Variants in ROBO1 observed in about 807,000 individuals in gnomAD.
The protein encoded by ROBO1 is roundabout guidance receptor 1.
A neutral mutation model predicts 195.9 loss-of-function variants in ROBO1; 149 were observed. The observed-to-expected ratio is 0.76, with a 90% confidence interval of 0.67 to 0.87. The LOEUF is 0.87. Ranked by LOEUF, ROBO1 falls within the 40% of genes least tolerant of loss-of-function variation. The pLI is 0.00. For synonymous variants in ROBO1, 816 were observed against 733.2 expected, an observed-to-expected ratio of 1.11 and a Z score of -1.82; for missense variants, 1,933 against 2,068.3, an observed-to-expected ratio of 0.93 and a Z score of 1.27.
chr3:79,164,871 C>T (rs1360584505), intron 2 of ROBO1, among the ~76,000 whole-genome samples: 1 of 152,184 alleles, frequency 6.6e-6, no homozygotes, highest in Admixed American at 6.5e-5. Flanking sequence ...CAAATAACTG[C>T]ATGGCTTATT....
At chr3:79,534,147 GCAAAAAAA>G (rs1941763828) in intron 2 of ROBO1, among the ~76,000 whole-genome samples, 1 of 25,864 alleles carries the variant, frequency 3.9e-5, no homozygotes, top group African/African-American at 2.4e-4. Context: ...GCTGGGGAAG[GCAAAAAAA>G]AAAAAAAAAA....
At chr3:78,933,673 AT>A (rs2039653151) in intron 4 of ROBO1, among the ~76,000 whole-genome samples, 1 of 152,098 alleles carries the variant, frequency 6.6e-6, no homozygotes, top group Admixed American at 6.5e-5. Context: ...AGAAGAACAT[AT>A]TCTGAGTGAT....
At chr3:78,960,790 AC>A (rs1441079406) in intron 3 of ROBO1, among the ~76,000 whole-genome samples, 2,841 of 102,180 alleles carry the variant, frequency 0.028, 54 homozygotes, top group African/African-American at 0.054. Flanking sequence ...ACACACACAC[AC>A]ACACACACAC....
intron 3 of ROBO1, among the ~76,000 whole-genome samples, chr3:79,114,958 A>G (rs1307487318): frequency 1.3e-5 from 2 of 152,142 alleles, no homozygotes; most frequent in Non-Finnish European, 2.9e-5. Context: ...GCAAGATCTA[A>G]TTGTAGAGTC....
At chr3:79,629,584 T>A (rs1056042990) in intron 1 of ROBO1, among the ~76,000 whole-genome samples, 6 of 151,722 alleles carry the variant, frequency 4.0e-5, no homozygotes, top group African/African-American at 9.7e-5. Context: ...CCCAAGGTAC[T>A]AGATAAACAA....
At chr3:78,659,574 G>A (rs550229823) in intron 17 of ROBO1, 112 bp downstream of exon 17, 2 of 735,690 alleles carry the variant, frequency 2.7e-6, no homozygotes, top group African/African-American at 1.8e-5. Context: ...GTTGCTATTT[G>A]GACCAGCAGA....
intron 2 of ROBO1, among the ~76,000 whole-genome samples, chr3:79,463,663 G>C (rs77146629): frequency 0.014 from 2,152 of 152,210 alleles, 51 homozygotes; most frequent in African/African-American, 0.049. Flanking sequence ...ATCAAACAGT[G>C]AATAATCCTT....
chr3:78,664,611 T>C (rs150593637), intron 14 of ROBO1, among the ~76,000 whole-genome samples: 25 of 152,358 alleles, frequency 1.6e-4, no homozygotes, highest in Middle Eastern at 6.8e-3. Context: ...ACCTGACTCC[T>C]GTACTCGGAA....
At chr3:79,577,388 T>C (rs1171995530) in intron 2 of ROBO1, among the ~76,000 whole-genome samples, 1 of 152,164 alleles carries the variant, frequency 6.6e-6, no homozygotes, top group Admixed American at 6.6e-5. Context: ...TGACCTTGTG[T>C]TTAGCGAAGA....
chr3:78,696,241 G>A lies in ROBO1; in HGVS notation c.1046-7469C>T, dbSNP rs1208540194. On this transcript the variant is annotated intron_variant, in intron 8 of 30. Coordinates refer to ENST00000464233, the MANE Select transcript of ROBO1 (RefSeq NM_002941.4). Reference sequence around the variant, plus strand: ...CCTTCTCATAGCCCTTCTCAACTTCGTTCCTTTCTGCTTTTAAGGTTGGAA... The same window carrying A: ...CCTTCTCATAGCCCTTCTCAACTTCATTCCTTTCTGCTTTTAAGGTTGGAA... Among the ~76,000 whole-genome samples the A allele has an allele frequency of 4.6e-5, 7 of 151,414 alleles. No homozygotes were observed. In the South Asian group the frequency reaches 6.3e-4, roughly 14 times the overall value.
chr3:79,337,058 C>G (rs554219212), intron 2 of ROBO1, among the ~76,000 whole-genome samples: 6 of 152,164 alleles, frequency 3.9e-5, no homozygotes, highest in Non-Finnish European at 7.3e-5. Flanking sequence ...TTACTCAATG[C>G]CTGTACCTCC....
intron 2 of ROBO1, among the ~76,000 whole-genome samples, chr3:79,495,118 C>T (rs890290748): frequency 1.3e-5 from 2 of 152,078 alleles, no homozygotes; most frequent in African/African-American, 4.8e-5. Flanking sequence ...GATTATATCT[C>T]TAGATACTAT....
chr3:79,669,714 C>A (rs375896004), intron 1 of ROBO1, among the ~76,000 whole-genome samples: 2 of 151,686 alleles, frequency 1.3e-5, no homozygotes, highest in Non-Finnish European at 2.9e-5. Context: ...ATAAGAGACC[C>A]TAGTCACTAT....
At chr3:78,856,564 C>A (rs948065142) in intron 4 of ROBO1, among the ~76,000 whole-genome samples, 4 of 151,476 alleles carry the variant, frequency 2.6e-5, no homozygotes, top group Admixed American at 2.6e-4. Context: ...TTGCAAGAGT[C>A]CAAGCTATAT....
Position 78,657,134 on chromosome 3 carries a change from A to C in ROBO1, c.2578T>G (p.Ser860Ala), listed in dbSNP as rs765830793. The change falls in exon 18 of 31, where the codon TCT becomes GCT. Residue 860 changes from serine (S) to alanine (A), a missense_variant. Coordinates refer to ENST00000464233, the MANE Select transcript of ROBO1 (RefSeq NM_002941.4). ...AACTGAGGCTCACTCTTTACCCCAG[A>C]CCCAGCCCCAGTGCTGGCTGCCACT... ...VEVAASTGAG[S>A]GVKSEPQFIQ... is the part of the protein sequence containing the mutation. The C allele has an allele frequency of 1.2e-5, 20 of 1,611,670 alleles. No individual in the cohort carries two copies. The highest frequency in any genetic ancestry group is 1.6e-4 in the Middle Eastern group (1 of 6,078).
chr3:79,297,962 C>T (rs2032681426), intron 2 of ROBO1, among the ~76,000 whole-genome samples: 1 of 151,960 alleles, frequency 6.6e-6, no homozygotes, highest in Admixed American at 6.6e-5. Flanking sequence ...AAAGCCCAAG[C>T]AAAGGAGTTT....
At chr3:79,204,845 T>A (rs143338498) in intron 2 of ROBO1, among the ~76,000 whole-genome samples, 1 of 152,338 alleles carries the variant, frequency 6.6e-6, no homozygotes, top group Non-Finnish European at 1.5e-5. Flanking sequence ...ACACTGCAAA[T>A]TGCTTTTTTC....
At chr3:79,182,793 A>G (rs1162017125) in intron 2 of ROBO1, among the ~76,000 whole-genome samples, 1 of 152,124 alleles carries the variant, frequency 6.6e-6, no homozygotes, top group East Asian at 1.9e-4. Context: ...CAGTTAAGAT[A>G]CATAGGCCGG....
intron 2 of ROBO1, among the ~76,000 whole-genome samples, chr3:79,558,238 G>T (rs1942782760): frequency 6.6e-6 from 1 of 151,666 alleles, no homozygotes; most frequent in Non-Finnish European, 1.5e-5. Flanking sequence ...TTCCATCTCT[G>T]CCACCCCTGA....
Sources: allele counts gnomAD v4.1 joint callset (sites outside exome capture counted in the v4.1 genomes callset), GRCh38; gene constraint gnomAD v4.1.1; transcripts MANE v1.5; gene names NCBI Gene and HGNC (gene_info 2026-07-23, HGNC 2026-07-21).